The following ZC3H18 variants were observed in gnomAD, a reference collection of about 807,000 sequenced individuals.
The protein encoded by ZC3H18 is zinc finger CCCH domain-containing protein 18.
ZC3H18 carries 8 observed loss-of-function variants against 106.1 expected under a neutral mutation model. The observed-to-expected ratio is 0.08, with a 90% confidence interval of 0.04 to 0.14. The LOEUF is 0.14. Ranked by LOEUF, ZC3H18 falls within the 10% of genes least tolerant of loss-of-function variation. The pLI is 1.00. For synonymous variants in ZC3H18, 635 were observed against 522.1 expected, an observed-to-expected ratio of 1.22 and a Z score of -2.95; for missense variants, 1,318 against 1,278.4, an observed-to-expected ratio of 1.03 and a Z score of -0.47.
rs1171698745 is a variant in ZC3H18, at chr16:88,631,684, G to C, written c.*385G>C. ...TCCAGGCAGCCAGGCTCCCTCCTGA[G>C]CTGAGAAACGGAACCTCGCGAACCA... is the stretch of plus-strand genomic sequence containing the variant. On this transcript the variant is annotated 3_prime_UTR_variant, in exon 18 of 18. Coordinates refer to ENST00000301011, the MANE Select transcript of ZC3H18 (RefSeq NM_144604.4). 1 of 461,356 alleles carries C rather than the reference G, an allele frequency of 2.2e-6. No individual in the cohort carries two copies. The highest frequency in any genetic ancestry group is 2.4e-5 in the Admixed American group (1 of 41,208). 28.6% of individuals were successfully genotyped at this position (461,356 alleles called of 1,614,324 possible).
intron 3 of ZC3H18, among the ~76,000 whole-genome samples, chr16:88,589,649 C>T (rs1341723886): frequency 2.6e-5 from 4 of 152,004 alleles, no homozygotes; most frequent in Non-Finnish European, 4.4e-5. Flanking sequence ...GAAGGGAGCA[C>T]GGAAGGCCAC....
At position 88,628,053 on chromosome 16, in the gene ZC3H18, C is replaced by T. The variant is rs764257521; in HGVS notation, c.2403C>T (p.Pro801=). The T allele has an allele frequency of 5.0e-6, 8 of 1,614,086 alleles. No homozygotes were observed. The highest frequency in any genetic ancestry group is 2.2e-5 in the East Asian group (1 of 44,886). The change falls in exon 15 of 18, where the codon CCC becomes CCT. Residue 801 remains proline (P), a synonymous_variant. Transcript: ENST00000301011. ...AGCCCTCGACACCCCAGCAGGCACC[C>T]CCCGGGCAGCCCCAGCAGGGCACAT... ...SQQPSTPQQA[P]PGQPQQGTFV... is the part of the protein sequence containing the mutation.
intron 3 of ZC3H18, among the ~76,000 whole-genome samples, chr16:88,596,292 A>G (rs1171530599): frequency 3.3e-5 from 5 of 152,196 alleles, no homozygotes; most frequent in Non-Finnish European, 7.3e-5. Context: ...ATTTTCATAA[A>G]TACAGAAAAG....
chr16:88,573,459 T>G (rs1454935738), intron 1 of ZC3H18, among the ~76,000 whole-genome samples: 1 of 152,066 alleles, frequency 6.6e-6, no homozygotes, highest in Non-Finnish European at 1.5e-5. Context: ...CTTGGTGCTT[T>G]TCATCCTTGC....
intron 3 of ZC3H18, among the ~76,000 whole-genome samples, chr16:88,592,473 C>T (rs11076683): frequency 0.9 from 136,460 of 152,168 alleles, 61,342 homozygotes; most frequent in East Asian, 0.95. Flanking sequence ...CTTTTTCTTT[C>T]ATTTTATTTT....
chr16:88,622,129 C>T, intron 8 of ZC3H18, 68 bp from the exon 9 acceptor site: 2 of 1,513,938 alleles, frequency 1.3e-6, no homozygotes, highest in South Asian at 1.3e-5. Context: ...TCTCCCGCTG[C>T]TGTCACACCT....
At chr16:88,604,809 C>T (rs1249317907) in intron 6 of ZC3H18, among the ~76,000 whole-genome samples, 5 of 152,198 alleles carry the variant, frequency 3.3e-5, no homozygotes, top group African/African-American at 4.8e-5. Flanking sequence ...GCGCACAGGA[C>T]GTCACCTGTG....
At chr16:88,614,776 T>C (rs1203222379) in intron 8 of ZC3H18, among the ~76,000 whole-genome samples, 1 of 152,258 alleles carries the variant, frequency 6.6e-6, no homozygotes, top group Non-Finnish European at 1.5e-5. Context: ...CAAGCCCTTT[T>C]GGATAGAAGC....
intron 6 of ZC3H18, among the ~76,000 whole-genome samples, chr16:88,603,231 G>A (rs1176355343): frequency 1.3e-5 from 2 of 151,880 alleles, no homozygotes; most frequent in African/African-American, 4.8e-5. Context: ...CTCCCAAAGT[G>A]CTGGGATGAC....
chr16:88,582,477 T>G (rs984986652), intron 2 of ZC3H18, among the ~76,000 whole-genome samples: 1 of 152,046 alleles, frequency 6.6e-6, no homozygotes, highest in Non-Finnish European at 1.5e-5. Context: ...CCGCCTTTTA[T>G]GTCTGGATCC....
chr16:88,579,253 A>G (rs1567576508), intron 2 of ZC3H18, among the ~76,000 whole-genome samples: 2 of 152,146 alleles, frequency 1.3e-5, no homozygotes, highest in African/African-American at 2.4e-5. Flanking sequence ...GCAGAGGGAA[A>G]GGAGAGACGG....
intron 17 of ZC3H18, among the ~76,000 whole-genome samples, chr16:88,630,820 G>A (rs1299925636): frequency 3.6e-5 from 5 of 139,866 alleles, no homozygotes; most frequent in South Asian, 2.1e-4. Flanking sequence ...CCTCTGCTCC[G>A]CATGCCCTTG....
chr16:88,598,107 C>G, intron 3 of ZC3H18, 71 bp from the exon 4 acceptor site: 1 of 341,596 alleles, frequency 2.9e-6, no homozygotes, highest in Non-Finnish European at 5.6e-6. Context: ...CTCCCACCCC[C>G]CACCCCAGCA....
At chr16:88,611,213 C>T (rs1905252525) in intron 7 of ZC3H18, 55 bp from the exon 8 acceptor site, 1 of 717,764 alleles carries the variant, frequency 1.4e-6, no homozygotes, top group South Asian at 1.6e-5. Context: ...GCTTTCAGTG[C>T]CTCTGTCACC....
chr16:88,584,361 G>C (rs1915313751), intron 2 of ZC3H18, among the ~76,000 whole-genome samples: 1 of 151,676 alleles, frequency 6.6e-6, no homozygotes, highest in Non-Finnish European at 1.5e-5. Context: ...GGCAGAGGTT[G>C]CAGTGAACCG....
intron 1 of ZC3H18, among the ~76,000 whole-genome samples, chr16:88,574,417 C>G (rs1914608583): frequency 6.6e-6 from 1 of 151,840 alleles, no homozygotes; most frequent in Non-Finnish European, 1.5e-5. Flanking sequence ...CCATGTTGGC[C>G]AGGCTGGTCT....
At chr16:88,611,601 C>T (rs891551433) in intron 8 of ZC3H18, 65 bp downstream of exon 8, 13 of 1,509,344 alleles carry the variant, frequency 8.6e-6, no homozygotes, top group South Asian at 2.6e-5. Flanking sequence ...TGTACCTAGT[C>T]CCCCTGGCCT....
chr16:88,596,544 G>A (rs1567585267), intron 3 of ZC3H18, among the ~76,000 whole-genome samples: 2 of 152,128 alleles, frequency 1.3e-5, no homozygotes, highest in African/African-American at 4.8e-5. Flanking sequence ...GGAGGCTGAG[G>A]CAGGAGAATC....
At position 88,627,641 on chromosome 16, in the gene ZC3H18, G is replaced by A. The variant is rs370561351; in HGVS notation, c.2128G>A (p.Val710Ile). 5.6e-6 allele frequency: 9 copies of A among 1,606,120 alleles called. No individual in the cohort carries two copies. The highest frequency in any genetic ancestry group is 7.7e-6 in the Non-Finnish European group (9 of 1,173,688). The change falls in exon 14 of 18, where the codon GTC becomes ATC. Residue 710 changes from valine (V) to isoleucine (I), a missense_variant. Coordinates refer to ENST00000301011, the MANE Select transcript of ZC3H18 (RefSeq NM_144604.4). This position sits in a 1 kb window ranked among gnomAD's most constrained non-coding sequence, Gnocchi z 4.5. ...GTCCAGGTCCCTGAGCGTGAGCAGC[G>A]TCTCCTCAGTGTCCAGTGCTACGTC... Reference protein sequence around the residue: ...SRSRSLSVSSVSSVSSATSSS... With the variant: ...SRSRSLSVSSISSVSSATSSS...
Sources: gnomAD v4.1 joint callset for allele counts (sites outside exome capture counted in the v4.1 genomes callset) on GRCh38, gnomAD v4.1.1 for gene constraint, Gnocchi (gnomAD v3.1) non-coding constraint, MANE v1.5 for transcripts, NCBI Gene and HGNC (gene_info 2026-07-23, HGNC 2026-07-21) for gene names.